FBLN2: variants seen among roughly 807,000 people sequenced by gnomAD.
FBLN2 encodes fibulin 2.
In FBLN2, 81 loss-of-function variants were observed where a neutral mutation model predicts 123.7. That is an observed-to-expected ratio of 0.65 (90% CI 0.55 to 0.79). The LOEUF (loss-of-function observed/expected upper bound fraction) is 0.79. Ranked by LOEUF, FBLN2 falls within the 30% of genes least tolerant of loss-of-function variation. The pLI is 0.00. For synonymous variants in FBLN2, 699 were observed against 701.4 expected, an observed-to-expected ratio of 1.00 and a Z score of 0.05; for missense variants, 1,603 against 1,681.3, an observed-to-expected ratio of 0.95 and a Z score of 0.81.
intron 3 of FBLN2, among the ~76,000 whole-genome samples, chr3:13,608,905 C>T (rs564850131): frequency 6.6e-6 from 1 of 152,368 alleles, no homozygotes; most frequent in Non-Finnish European, 1.5e-5. Context: ...TATGTTCTAA[C>T]CTTGTCTTTC....
chr3:13,634,236 G>A (rs911092327), intron 16 of FBLN2, among the ~76,000 whole-genome samples: 6 of 152,192 alleles, frequency 3.9e-5, no homozygotes, highest in Non-Finnish European at 5.9e-5. Flanking sequence ...TCTGAGTTGC[G>A]GCTGACCCTG....
chr3:13,612,294 CCTTTCTTTCTTTCTTTCTTTCTTT>C (rs67522122), intron 4 of FBLN2, among the ~76,000 whole-genome samples: 218 of 117,344 alleles, frequency 1.9e-3, no homozygotes, highest in South Asian at 0.012. Context: ...CTTTTATTTT[CCTTTCTTTCTTTCTTTCTTTCTTT>C]CTTTCTTTCT....
chr3:13,621,216 C>G (rs955708560), intron 8 of FBLN2, among the ~76,000 whole-genome samples: 1 of 152,282 alleles, frequency 6.6e-6, no homozygotes, highest in Non-Finnish European at 1.5e-5. Flanking sequence ...GAGCGCTGCT[C>G]AACTCTGCTG....
At chr3:13,622,348 G>A (rs1026954284) in intron 9 of FBLN2, among the ~76,000 whole-genome samples, 1 of 152,224 alleles carries the variant, frequency 6.6e-6, no homozygotes, top group Non-Finnish European at 1.5e-5. Flanking sequence ...TAGTAAGGAG[G>A]CTGTTGATCC....
intron 16 of FBLN2, among the ~76,000 whole-genome samples, chr3:13,636,167 C>T (rs1197338884): frequency 2.6e-5 from 4 of 152,166 alleles, no homozygotes; most frequent in Admixed American, 6.5e-5. Flanking sequence ...GAGAGCCTTG[C>T]ACTGTGTGGC....
intron 4 of FBLN2, 37 bp downstream of exon 4, chr3:13,609,679 T>A: frequency 1.2e-5 from 1 of 80,280 alleles, no homozygotes; most frequent in Non-Finnish European, 2.2e-5. Context: ...CAGGGTGGGG[T>A]GGGGCGGGGC....
chr3:13,584,973 G>A (rs534362395), intron 2 of FBLN2, among the ~76,000 whole-genome samples: 1 of 152,380 alleles, frequency 6.6e-6, no homozygotes, highest in South Asian at 2.1e-4. Context: ...GAATGGCTGT[G>A]CTTCTGTCCC....
At chr3:13,588,927 A>AT (rs3836365) in intron 2 of FBLN2, among the ~76,000 whole-genome samples, 16,442 of 152,286 alleles carry the variant, frequency 0.11, 943 homozygotes, top group South Asian at 0.23. Context: ...AGATTCATCT[A>AT]TAAGTAACAC....
At chr3:13,628,024 T>C in intron 11 of FBLN2, 55 bp downstream of exon 11, 6 of 1,571,486 alleles carry the variant, frequency 3.8e-6, no homozygotes, top group South Asian at 1.2e-5. Flanking sequence ...ACTGGAGGCA[T>C]TGTGGGGGCT....
At chr3:13,623,764 T>G (rs1238998388) in intron 9 of FBLN2, among the ~76,000 whole-genome samples, 2 of 152,212 alleles carry the variant, frequency 1.3e-5, no homozygotes, top group Non-Finnish European at 2.9e-5. Context: ...TCTCTGAGCC[T>G]CAGTTTCCTC....
intron 2 of FBLN2, among the ~76,000 whole-genome samples, chr3:13,600,656 C>A (rs1163767083): frequency 6.7e-6 from 1 of 149,106 alleles, no homozygotes; most frequent in Non-Finnish European, 1.5e-5. Context: ...GCTCTTGTCA[C>A]CCAGGCTGGA....
At chr3:13,614,693 TTCACTC>T in intron 5 of FBLN2, among the ~76,000 whole-genome samples, 1 of 141,762 alleles carries the variant, frequency 7.1e-6, no homozygotes, top group Non-Finnish European at 1.5e-5. Context: ...CATCCACCCA[TTCACTC>T]ACCCACCCAT....
chr3:13,619,839 C>A lies in FBLN2; in HGVS notation c.2155+8C>A, dbSNP rs1559422916. 2.5e-6 allele frequency: 4 copies of A among 1,606,210 alleles called. No homozygotes were observed. In the East Asian group the frequency reaches 9.0e-5, roughly 36 times the overall value. On this transcript the variant is annotated splice_region_variant and intron_variant, in intron 8 of 17. Transcript: ENST00000404922. ...ATGGCGTGTCCTGTGAAGGTGAGTG[C>A]CTTGGGGTGCCCTCCTACCTGTGCA...
intron 16 of FBLN2, among the ~76,000 whole-genome samples, chr3:13,635,990 A>T (rs1344764685): frequency 6.6e-6 from 1 of 152,102 alleles, no homozygotes; most frequent in Non-Finnish European, 1.5e-5. Flanking sequence ...GTGACTCAAG[A>T]TCTGAGAGTT....
chr3:13,587,661 AT>A (rs1704553544), intron 2 of FBLN2, among the ~76,000 whole-genome samples: 1 of 152,224 alleles, frequency 6.6e-6, no homozygotes, highest in African/African-American at 2.4e-5. Context: ...TATCTCTCAC[AT>A]TAACTTCAGC....
At position 13,638,299 on chromosome 3, in the gene FBLN2, T is replaced by TA. The variant is rs1202430463; in HGVS notation, c.*386dup. On this transcript the variant is annotated 3_prime_UTR_variant, in exon 18 of 18. Coordinates refer to ENST00000404922, the MANE Select transcript of FBLN2 (RefSeq NM_001004019.2). ...CACTGTGATTAATTCTTTTCTTTTT[T>TA]AAAAAATCATTTTAAAGTTTTTTGT... The TA allele has an allele frequency of 1.1e-5, 5 of 436,196 alleles. No individual in the cohort carries two copies. In the Admixed American group the frequency reaches 1.5e-4, roughly 13 times the overall value. The allele number at this position is 436,196 out of a possible 1,614,324, so 27.0% of individuals were successfully genotyped here.
At chr3:13,559,255 A>AGTG (rs1553616082) in intron 1 of FBLN2, among the ~76,000 whole-genome samples, 6 of 151,830 alleles carry the variant, frequency 4.0e-5, no homozygotes, top group South Asian at 2.1e-4. Context: ...GTTAATCAAA[A>AGTG]GGGGTTCATG....
intron 2 of FBLN2, among the ~76,000 whole-genome samples, chr3:13,601,607 C>T (rs1705035054): frequency 6.6e-6 from 1 of 152,160 alleles, no homozygotes; most frequent in African/African-American, 2.4e-5. Context: ...TCTCAGTTGC[C>T]CAGGGTCTCC....
At chr3:13,558,738 C>T (rs1703528122) in intron 1 of FBLN2, among the ~76,000 whole-genome samples, 1 of 127,806 alleles carries the variant, frequency 7.8e-6, no homozygotes, top group Non-Finnish European at 1.6e-5. Context: ...CTTTTTTAGC[C>T]ACCCATCCAT....
Sources: gnomAD v4.1 joint callset for allele counts (sites outside exome capture counted in the v4.1 genomes callset) on GRCh38, gnomAD v4.1.1 for gene constraint, MANE v1.5 for transcripts, NCBI Gene and HGNC (gene_info 2026-07-23, HGNC 2026-07-21) for gene names.